Variants in WDR7 observed in about 807,000 individuals in gnomAD.
WDR7 encodes WD repeat domain 7.
A neutral mutation model predicts 169.4 loss-of-function variants in WDR7; 46 were observed. The observed-to-expected ratio is 0.27, with a 90% CI of 0.21 to 0.35. The LOEUF is 0.35. Ranked by LOEUF, WDR7 falls within the 10% of genes least tolerant of loss-of-function variation. WDR7 has a pLI of 1.00. For synonymous variants in WDR7, 612 were observed against 666.8 expected, an observed-to-expected ratio of 0.92 and a Z score of 1.27; for missense variants, 1,534 against 1,859.3, an observed-to-expected ratio of 0.83 and a Z score of 3.22.
intron 20 of WDR7, 90 bp downstream of exon 20, chr18:56,816,234 C>T (rs8099266): frequency 2.1e-5 from 24 of 1,132,822 alleles, no homozygotes; most frequent in South Asian, 1.1e-4. Context: ...TTAAGTATTT[C>T]GACGGAAAGG....
intron 12 of WDR7, among the ~76,000 whole-genome samples, chr18:56,716,807 G>A (rs996851834): frequency 6.6e-6 from 1 of 152,130 alleles, no homozygotes; most frequent in African/African-American, 2.4e-5. Flanking sequence ...AAAGGTTCTT[G>A]GAAGTTCTGT....
At chr18:56,733,413 C>A (rs1315551231) in intron 14 of WDR7, among the ~76,000 whole-genome samples, 1 of 152,034 alleles carries the variant, frequency 6.6e-6, no homozygotes, top group African/African-American at 2.4e-5. Context: ...AGAAATAAAC[C>A]CACCCAAAGT....
intron 26 of WDR7, among the ~76,000 whole-genome samples, chr18:56,986,969 G>A (rs979550540): frequency 6.6e-6 from 1 of 152,046 alleles, no homozygotes; most frequent in Non-Finnish European, 1.5e-5. Flanking sequence ...ACCACAGGGT[G>A]TGTTTTACCT....
intron 27 of WDR7, among the ~76,000 whole-genome samples, chr18:57,025,265 C>T (rs2048351967): frequency 6.6e-6 from 1 of 152,174 alleles, no homozygotes; most frequent in Non-Finnish European, 1.5e-5. Flanking sequence ...AGTTATTTAT[C>T]AACTGAGAAA....
In WDR7 at chr18:57,028,286, T is replaced by C. The variant is rs1194310268; in HGVS notation, c.*1079T>C. 1.3e-5 allele frequency: 2 copies of C among 152,238 alleles called. No individual in the cohort carries two copies. The highest frequency in any genetic ancestry group is 2.9e-5 in the Non-Finnish European group (2 of 68,042). The allele number at this position is 152,238 out of a possible 1,614,324, so 9.4% of individuals were successfully genotyped here. ...TGGCACAAATGTTCAGGAGTGTATA[T>C]AAAAATATGTGGGCTCTCGATTTAT... On this transcript the variant is annotated 3_prime_UTR_variant, in exon 28 of 28. Transcript: ENST00000254442.
intron 16 of WDR7, among the ~76,000 whole-genome samples, chr18:56,760,549 A>G (rs1320063910): frequency 6.6e-6 from 1 of 152,214 alleles, no homozygotes; most frequent in African/African-American, 2.4e-5. Context: ...TGTTGAATGA[A>G]TAGATCACAG....
chr18:56,789,744 A>G (rs1333448923), intron 19 of WDR7, among the ~76,000 whole-genome samples: 3 of 152,156 alleles, frequency 2.0e-5, no homozygotes. Flanking sequence ...TTATACCTTC[A>G]GTGCAGAAAT....
intron 25 of WDR7, chr18:56,957,380 T>C (rs9959959): frequency 0.062 from 9,434 of 151,964 alleles, 939 homozygotes; most frequent in African/African-American, 0.21. Flanking sequence ...CCCCTGAGCA[T>C]GTTGCTTCCC....
At chr18:56,949,828 A>G (rs2047155985) in intron 25 of WDR7, among the ~76,000 whole-genome samples, 2 of 152,188 alleles carry the variant, frequency 1.3e-5, no homozygotes, top group Non-Finnish European at 2.9e-5. Context: ...CTCTCCATAT[A>G]TGGTCACTTT....
chr18:56,827,690 A>G (rs1052196208), intron 20 of WDR7, among the ~76,000 whole-genome samples: 2 of 152,192 alleles, frequency 1.3e-5, no homozygotes, highest in East Asian at 1.9e-4. Context: ...ACATTTAAAG[A>G]TAAGTAAAAG....
chr18:57,009,869 G>A, intron 26 of WDR7: 1 of 985,418 alleles, frequency 1.0e-6, no homozygotes, highest in Non-Finnish European at 1.2e-6. Context: ...AGGTGACAAA[G>A]GAGCGGGAAC....
chr18:56,854,852 G>A (rs2045694741), intron 20 of WDR7, among the ~76,000 whole-genome samples: 1 of 152,150 alleles, frequency 6.6e-6, no homozygotes, highest in Non-Finnish European at 1.5e-5. Context: ...AGCTCAGAGA[G>A]ATTCTGTTTT....
At chr18:56,868,875 T>A (rs556792752) in intron 20 of WDR7, among the ~76,000 whole-genome samples, 14 of 152,284 alleles carry the variant, frequency 9.2e-5, no homozygotes, top group South Asian at 2.1e-4. Context: ...CCTATAAGAC[T>A]TCTGATTACT....
intron 19 of WDR7, among the ~76,000 whole-genome samples, chr18:56,788,749 G>C (rs1453157664): frequency 6.6e-6 from 1 of 152,092 alleles, no homozygotes; most frequent in Admixed American, 6.6e-5. Context: ...TTATGAACCA[G>C]CTAAAACTAA....
chr18:56,982,377 G>A (rs978431345), intron 26 of WDR7, among the ~76,000 whole-genome samples: 2 of 152,146 alleles, frequency 1.3e-5, no homozygotes, highest in Admixed American at 1.3e-4. Flanking sequence ...TTTCATATTA[G>A]CAAAGGTATC....
chr18:56,676,251 A>G (rs575894493), intron 2 of WDR7, among the ~76,000 whole-genome samples: 3 of 151,438 alleles, frequency 2.0e-5, no homozygotes, highest in Admixed American at 6.6e-5. Context: ...TTTTCAGTCT[A>G]TGTGTGTTTT....
chr18:56,825,676 A>T (rs1187043965), intron 20 of WDR7, among the ~76,000 whole-genome samples: 2 of 152,174 alleles, frequency 1.3e-5, no homozygotes, highest in African/African-American at 4.8e-5. Flanking sequence ...AAAGAAACAC[A>T]TATATTATGA....
chr18:56,731,361 T>G (rs1418530642), intron 13 of WDR7, 22 bp from the exon 14 acceptor site: 1 of 1,607,672 alleles, frequency 6.2e-7, no homozygotes, highest in Non-Finnish European at 8.5e-7. Flanking sequence ...ATGAAATATT[T>G]GTGAATATAT....
At chr18:56,670,672 G>A (rs1026861593) in intron 1 of WDR7, among the ~76,000 whole-genome samples, 3 of 152,066 alleles carry the variant, frequency 2.0e-5, no homozygotes, top group Non-Finnish European at 4.4e-5. Context: ...CACCTCGCCT[G>A]GCTAATGTTT....
Sources: allele counts gnomAD v4.1 joint callset (sites outside exome capture counted in the v4.1 genomes callset), GRCh38; gene constraint gnomAD v4.1.1; transcripts MANE v1.5; gene names NCBI Gene and HGNC (gene_info 2026-07-23, HGNC 2026-07-21).